METTL24: variants seen among roughly 807,000 people sequenced by gnomAD.
METTL24 encodes the protein probable methyltransferase-like protein 24.
Under a neutral mutation model 32.7 loss-of-function variants are expected in METTL24, and 29 were observed. The ratio of observed to expected loss-of-function variants is 0.89; its 90% CI spans 0.66 to 1.21. The LOEUF is 1.21. Ranked by LOEUF, METTL24 falls within the 50% of genes most tolerant of loss-of-function variation. The pLI, the probability that METTL24 is intolerant of heterozygous loss-of-function variation, is 0.00. For missense variants in METTL24, 439 were observed against 468.1 expected (o/e 0.94, Z 0.57); for synonymous variants, 163 against 179.5 (o/e 0.91, Z 0.73).
At chr6:110,301,385 T>C (rs561474654) in intron 3 of METTL24, among the ~76,000 whole-genome samples, 21 of 152,292 alleles carry the variant, frequency 1.4e-4, no homozygotes, top group African/African-American at 4.6e-4. Context: ...TCCATGCTCA[T>C]GATGAGAAAG....
intron 4 of METTL24, among the ~76,000 whole-genome samples, chr6:110,292,708 G>A (rs908432714): frequency 1.3e-5 from 2 of 151,594 alleles, no homozygotes; most frequent in Non-Finnish European, 2.9e-5. Context: ...CCTAACTCCA[G>A]AATTTTTTTT....
intron 4 of METTL24, among the ~76,000 whole-genome samples, chr6:110,289,833 A>G (rs1428051453): frequency 1.3e-5 from 2 of 152,218 alleles, no homozygotes; most frequent in Non-Finnish European, 2.9e-5. Flanking sequence ...TCTTGCATAT[A>G]ATTTCAAAAA....
chr6:110,290,674 T>C (rs1582404409), intron 4 of METTL24, among the ~76,000 whole-genome samples: 1 of 152,242 alleles, frequency 6.6e-6, no homozygotes, highest in African/African-American at 2.4e-5. Flanking sequence ...ATAGCTTCTA[T>C]ACACTTTCAG....
intron 2 of METTL24, among the ~76,000 whole-genome samples, chr6:110,316,327 T>A (rs753296548): frequency 1.3e-5 from 2 of 152,234 alleles, no homozygotes; most frequent in Non-Finnish European, 2.9e-5. Flanking sequence ...GGATTCTGAC[T>A]TGTATTTGAG....
At chr6:110,310,430 C>T (rs1161954235) in intron 3 of METTL24, among the ~76,000 whole-genome samples, 2 of 152,110 alleles carry the variant, frequency 1.3e-5, no homozygotes, top group East Asian at 3.9e-4. Context: ...CCCTCCCCTC[C>T]ACTGCTCCAC....
chr6:110,355,953 T>C (rs922184872), intron 1 of METTL24, among the ~76,000 whole-genome samples: 1 of 152,108 alleles, frequency 6.6e-6, no homozygotes. Flanking sequence ...CTGTCCTTTG[T>C]AGGACAGGCT....
chr6:110,267,359 G>C (rs1017441796), intron 4 of METTL24, among the ~76,000 whole-genome samples: 67 of 152,206 alleles, frequency 4.4e-4, no homozygotes, highest in African/African-American at 1.6e-3. Context: ...GAATGAGAGG[G>C]GAAAAACTTT....
intron 2 of METTL24, among the ~76,000 whole-genome samples, chr6:110,321,888 G>C (rs1771936028): frequency 6.6e-6 from 1 of 152,182 alleles, no homozygotes; most frequent in South Asian, 2.1e-4. Context: ...GGAGAACAGG[G>C]ATGTCAAGAG....
At chr6:110,338,359 G>GTGA (rs1772282168) in intron 1 of METTL24, among the ~76,000 whole-genome samples, 1 of 152,108 alleles carries the variant, frequency 6.6e-6, no homozygotes, top group Admixed American at 6.6e-5. Flanking sequence ...TTAGCTGGGC[G>GTGA]TGATGGTGCA....
rs916979371 is a variant in METTL24 at position 110,358,155 on chromosome 6, A to G, written c.118T>C (p.Ser40Pro). ...CCCGGCGGGGCGCTGCGGGTGGGGG[A>G]CCCGGGCCCGGCGCGCCGCAGCTCT... Reference protein sequence around the residue: ...CAELRRAGPGSPTRSAPPGPA... With the variant: ...CAELRRAGPGPPTRSAPPGPA... Residue 40 changes from serine (S) to proline (P), a missense_variant, in exon 1 of 5, where the codon TCC becomes CCC. Ser to Pro is a moderately conservative substitution (Grantham distance 74). Transcript: ENST00000338882. 3 of 1,189,700 alleles carry G rather than the reference A, an allele frequency of 2.5e-6. No homozygotes were observed. The highest frequency in any genetic ancestry group is 3.1e-6 in the Non-Finnish European group (3 of 962,862). 73.7% of individuals were successfully genotyped at this position (1,189,700 alleles called of 1,614,324 possible). A position where few individuals can be genotyped will look rare whatever the true frequency, so the allele number is the denominator to read the frequency against.
chr6:110,287,894 T>C (rs1771252118), intron 4 of METTL24, among the ~76,000 whole-genome samples: 1 of 152,100 alleles, frequency 6.6e-6, no homozygotes, highest in African/African-American at 2.4e-5. Flanking sequence ...GATAAATCAT[T>C]ATCTAAGACT....
intron 4 of METTL24, among the ~76,000 whole-genome samples, chr6:110,274,933 A>T (rs962125976): frequency 6.6e-6 from 1 of 151,020 alleles, no homozygotes; most frequent in African/African-American, 2.4e-5. Flanking sequence ...CGAGGATCTA[A>T]GACTACAGGC....
chr6:110,269,987 G>A (rs1770925424), intron 4 of METTL24, among the ~76,000 whole-genome samples: 1 of 152,146 alleles, frequency 6.6e-6, no homozygotes, highest in South Asian at 2.1e-4. Flanking sequence ...AATAGTTAAA[G>A]TAAAAAGACA....
At chr6:110,330,090 C>T (rs1011013703) in intron 1 of METTL24, among the ~76,000 whole-genome samples, 1 of 152,218 alleles carries the variant, frequency 6.6e-6, no homozygotes, top group Non-Finnish European at 1.5e-5. Flanking sequence ...CAGGAGCAGC[C>T]CCGCAGTTCA....
rs571637301 is a variant in METTL24, at chr6:110,249,966, C to T, written c.787-3706G>A. Among the ~76,000 whole-genome samples the T allele has an allele frequency of 1.3e-3, 203 of 152,084 alleles. 2 individuals are homozygous for T. Among genetic ancestry groups the T allele is most frequent in the African/African-American group, 4.3e-3 (179 of 41,534 alleles). ...GAAATATCCAATCAATTGACTTTCACAAACCTTTTGAAGAAATGAGAATTT... is the reference window on the plus strand; with the variant it reads ...GAAATATCCAATCAATTGACTTTCATAAACCTTTTGAAGAAATGAGAATTT... On this transcript the variant is annotated intron_variant, in intron 4 of 4. Coordinates refer to ENST00000338882, the MANE Select transcript of METTL24 (RefSeq NM_001123364.3).
intron 3 of METTL24, among the ~76,000 whole-genome samples, chr6:110,314,412 A>ATACCC (rs1342845098): frequency 1.3e-5 from 2 of 152,176 alleles, no homozygotes; most frequent in African/African-American, 4.8e-5. Context: ...TTGGTGAAAT[A>ATACCC]GTCCCATTAC....
chr6:110,255,370 G>T (rs1168363512), intron 4 of METTL24, among the ~76,000 whole-genome samples: 1 of 152,112 alleles, frequency 6.6e-6, no homozygotes, highest in African/African-American at 2.4e-5. Context: ...AGAATACACA[G>T]CCTAGAAACC....
intron 1 of METTL24, among the ~76,000 whole-genome samples, chr6:110,341,440 TC>T (rs1378198484): frequency 1.3e-5 from 2 of 152,344 alleles, no homozygotes; most frequent in East Asian, 3.9e-4. Context: ...TAAGCCATTT[TC>T]TGCTATTTCT....
intron 3 of METTL24, among the ~76,000 whole-genome samples, chr6:110,304,233 A>C (rs923139710): frequency 7.2e-5 from 11 of 152,204 alleles, no homozygotes; most frequent in Non-Finnish European, 1.2e-4. Flanking sequence ...AAAAGGCTGA[A>C]AATTCCAAAA....
Sources: gnomAD v4.1 joint callset for allele counts (sites outside exome capture counted in the v4.1 genomes callset) on GRCh38, gnomAD v4.1.1 for gene constraint, MANE v1.5 for transcripts, NCBI Gene and HGNC (gene_info 2026-07-23, HGNC 2026-07-21) for gene names.